The following SUGCT variants were observed in gnomAD, a reference collection of about 807,000 sequenced individuals.
SUGCT encodes succinyl-CoA:glutarate-CoA transferase, also known as succinyl-CoA:glutarate CoA-transferase.
A neutral mutation model predicts 55.0 loss-of-function variants in SUGCT; 41 were observed. The ratio of observed to expected loss-of-function variants is 0.74; its 90% CI spans 0.58 to 0.97. The LOEUF (loss-of-function observed/expected upper bound fraction) is 0.97. Among genes scored for constraint, SUGCT ranks in the 50% least tolerant of loss-of-function variants. SUGCT has a pLI of 0.00. For synonymous variants in SUGCT, 187 were observed against 200.4 expected (o/e 0.93, Z 0.56); for missense variants, 568 against 547.8 (o/e 1.04, Z -0.37).
intron 12 of SUGCT, among the ~76,000 whole-genome samples, chr7:40,534,344 T>C (rs956707300): frequency 6.6e-6 from 1 of 152,248 alleles, no homozygotes; most frequent in Admixed American, 6.5e-5. Context: ...TGATTTCATA[T>C]TGAATTAGGA....
In SUGCT at chr7:40,496,463, G is replaced by T. The variant is rs975447176; in HGVS notation, c.1089+77G>T. 4 of 944,528 alleles carry T rather than the reference G, an allele frequency of 4.2e-6. No individual in the cohort carries two copies. The African/African-American group carries it at 4.9e-5, about 12-fold the overall frequency. 58.5% of individuals were successfully genotyped at this position (944,528 alleles called of 1,614,324 possible). On this transcript the variant is annotated intron_variant, in intron 12 of 13. Transcript: ENST00000335693. ...TATCAAGGTACCTTTGCCATTGATC[G>T]CAAGCTTAAGTCACATGATGTGAAT...
At chr7:40,204,582 G>A (rs1236840345) in intron 6 of SUGCT, among the ~76,000 whole-genome samples, 11 of 151,968 alleles carry the variant, frequency 7.2e-5, no homozygotes, top group African/African-American at 2.7e-4. Context: ...GATTACAGGC[G>A]TGAGCCACTG....
chr7:40,392,789 C>T (rs971221967), intron 9 of SUGCT, among the ~76,000 whole-genome samples: 4 of 152,144 alleles, frequency 2.6e-5, no homozygotes, highest in Non-Finnish European at 5.9e-5. Context: ...TGGATTAAGT[C>T]AGTGGTAGCA....
intron 5 of SUGCT, among the ~76,000 whole-genome samples, chr7:40,190,020 A>G (rs993600797): frequency 6.6e-6 from 1 of 152,168 alleles, no homozygotes; most frequent in Non-Finnish European, 1.5e-5. Flanking sequence ...ACATCACTGG[A>G]AAGTCCAAGC....
At chr7:40,532,293 C>A (rs1252813949) in intron 12 of SUGCT, among the ~76,000 whole-genome samples, 1 of 152,122 alleles carries the variant, frequency 6.6e-6, no homozygotes, top group African/African-American at 2.4e-5. Flanking sequence ...TTTAGCCATG[C>A]CTTATACTCC....
rs549132365 is a variant in SUGCT, at chr7:40,770,317, T to A, written c.1153+20820T>A. Reference sequence around the variant, plus strand: ...AGGTTAATCCTCTCTCCCATGATAGTCTGGAGGCGGGCAGTTCAGCGCTGG... The same window carrying A: ...AGGTTAATCCTCTCTCCCATGATAGACTGGAGGCGGGCAGTTCAGCGCTGG... On this transcript the variant is annotated intron_variant, in intron 13 of 13. Coordinates refer to ENST00000335693, the MANE Select transcript of SUGCT (RefSeq NM_001193313.2). Among the ~76,000 whole-genome samples the A allele has an allele frequency of 2.0e-4, 30 of 152,228 alleles. No individual in the cohort carries two copies. In the South Asian group the frequency reaches 6.2e-3, roughly 32 times the overall value.
the SUGCT span, among the ~76,000 whole-genome samples, chr7:40,998,233 A>AT: frequency 2.0e-5 from 3 of 152,116 alleles, no homozygotes; most frequent in Admixed American, 2.0e-4. Context: ...TTAGCCTGGC[A>AT]TGGTGGCACA....
At chr7:40,855,182 A>C (rs1563051426) in intron 13 of SUGCT, among the ~76,000 whole-genome samples, 1 of 151,058 alleles carries the variant, frequency 6.6e-6, no homozygotes, top group Non-Finnish European at 1.5e-5. Flanking sequence ...TTTTCCATCT[A>C]TACTGTTGGA....
chr7:40,241,529 A>C (rs1789390598), intron 7 of SUGCT, among the ~76,000 whole-genome samples: 1 of 151,762 alleles, frequency 6.6e-6, no homozygotes, highest in Admixed American at 6.6e-5. Context: ...CAGTGGCCCA[A>C]GATTGCACCA....
chr7:40,822,324 A>G (rs1792062320), intron 13 of SUGCT, among the ~76,000 whole-genome samples: 1 of 151,782 alleles, frequency 6.6e-6, no homozygotes, highest in Non-Finnish European at 1.5e-5. Context: ...ATCCTTGTTA[A>G]CTTTCTGTCT....
the SUGCT span, among the ~76,000 whole-genome samples, chr7:41,036,959 A>G: frequency 6.6e-6 from 1 of 152,210 alleles, no homozygotes; most frequent in African/African-American, 2.4e-5. Context: ...ACTCTAACTC[A>G]GATGGTAAGT....
chr7:40,801,923 G>C (rs1357301838), intron 13 of SUGCT, among the ~76,000 whole-genome samples: 1 of 151,392 alleles, frequency 6.6e-6, no homozygotes, highest in Non-Finnish European at 1.5e-5. Flanking sequence ...TTGTGAACAA[G>C]AAAAAAAATC....
At chr7:40,402,776 C>T (rs1243568667) in intron 9 of SUGCT, among the ~76,000 whole-genome samples, 1 of 152,138 alleles carries the variant, frequency 6.6e-6, no homozygotes, top group Non-Finnish European at 1.5e-5. Context: ...TCATCCTGAT[C>T]GGGTAGGATT....
At chr7:40,267,268 C>G (rs925119512) in intron 7 of SUGCT, among the ~76,000 whole-genome samples, 6 of 152,122 alleles carry the variant, frequency 3.9e-5, no homozygotes, top group Non-Finnish European at 5.9e-5. Context: ...TATCATAAAT[C>G]TCTCTGACAA....
rs562834571 is a variant in SUGCT, at chr7:40,751,359, A to T, written c.1153+1862A>T. Among the ~76,000 whole-genome samples, 3 of 152,272 alleles carry T rather than the reference A, an allele frequency of 2.0e-5. No homozygotes were observed. The East Asian group carries it at 5.8e-4, about 29-fold the overall frequency. ...TCGTTTTAAGTAGGGGAATAAAATC[A>T]CACAATTTACAGCTTAAAGCCGGCG... is the stretch of plus-strand genomic sequence containing the variant. On this transcript the variant is annotated intron_variant, in intron 13 of 13. Transcript: ENST00000335693.
At position 40,491,222 on chromosome 7, in the gene SUGCT, T is replaced by C. The variant is rs144746447; in HGVS notation, c.987-5062T>C. 5.4e-3 allele frequency among the ~76,000 whole-genome samples: 823 copies of C among 152,262 alleles called. 13 individuals carry two copies. Among genetic ancestry groups the C allele is most frequent in the African/African-American group, 0.018 (763 of 41,560 alleles). On this transcript the variant is annotated intron_variant, in intron 11 of 13. Transcript: ENST00000335693. The stretch of plus-strand genomic sequence containing the variant: ...AAACAGACTTGAGATACAACTAACA[T>C]TGGTGACTTTTTGGAAGGAGGAATA...
At chr7:40,733,567 A>G (rs1385942146) in intron 12 of SUGCT, among the ~76,000 whole-genome samples, 2 of 152,202 alleles carry the variant, frequency 1.3e-5, no homozygotes, top group Non-Finnish European at 2.9e-5. Context: ...AAACGTGTTA[A>G]TTATCATAAT....
intron 13 of SUGCT, among the ~76,000 whole-genome samples, chr7:40,784,039 AT>A (rs1331603112): frequency 6.6e-6 from 1 of 152,176 alleles, no homozygotes; most frequent in Non-Finnish European, 1.5e-5. Flanking sequence ...ATTAGTGTCT[AT>A]TAAATTTTTT....
the SUGCT span, among the ~76,000 whole-genome samples, chr7:40,870,271 C>A: frequency 6.6e-6 from 1 of 152,170 alleles, no homozygotes; most frequent in African/African-American, 2.4e-5. Flanking sequence ...CCCTTCCTCA[C>A]ATAGTCCAGC....
Sources: gnomAD v4.1 joint callset for allele counts (sites outside exome capture counted in the v4.1 genomes callset) on GRCh38, gnomAD v4.1.1 for gene constraint, MANE v1.5 for transcripts, NCBI Gene and HGNC (gene_info 2026-07-23, HGNC 2026-07-21) for gene names.